Variants in SPAG16 observed in about 807,000 individuals in gnomAD.
SPAG16 encodes the protein sperm-associated antigen 16 protein.
Under a neutral mutation model 80.4 loss-of-function variants are expected in SPAG16, and 86 were observed. That is an observed-to-expected ratio of 1.07 (90% CI 0.90 to 1.28). The LOEUF (loss-of-function observed/expected upper bound fraction) is 1.28, where lower values mean the gene tolerates loss of function less well. SPAG16 is among the 50% of genes most tolerant of loss of function. The pLI is 0.00. For missense variants in SPAG16, 870 were observed against 765.3 expected (o/e 1.14, Z -1.61); for synonymous variants, 294 against 265.9 (o/e 1.11, Z -1.03).
chr2:213,733,323 A>AT (rs746398292), intron 10 of SPAG16, among the ~76,000 whole-genome samples: 2 of 151,538 alleles, frequency 1.3e-5, no homozygotes, highest in Non-Finnish European at 2.9e-5. Flanking sequence ...TAGGTTCCAC[A>AT]TTTTTTGTTG....
At chr2:214,065,317 C>T (rs772603682) in intron 13 of SPAG16, among the ~76,000 whole-genome samples, 32 of 151,956 alleles carry the variant, frequency 2.1e-4, no homozygotes, top group South Asian at 6.2e-4. Context: ...GACCTCAAAT[C>T]GATTATAAAT....
intron 15 of SPAG16, among the ~76,000 whole-genome samples, chr2:214,320,318 C>T (rs1271637838): frequency 6.6e-6 from 1 of 152,142 alleles, no homozygotes; most frequent in Non-Finnish European, 1.5e-5. Context: ...TCCAGAACTT[C>T]TTGTACTCCT....
intron 10 of SPAG16, among the ~76,000 whole-genome samples, chr2:213,735,447 T>C (rs1406390606): frequency 6.6e-6 from 1 of 152,188 alleles, no homozygotes; most frequent in Non-Finnish European, 1.5e-5. Context: ...CCAAACAGAA[T>C]GTTACTGAGT....
At chr2:213,337,087 C>A in intron 5 of SPAG16, among the ~76,000 whole-genome samples, 1 of 152,096 alleles carries the variant, frequency 6.6e-6, no homozygotes, top group East Asian at 1.9e-4. Flanking sequence ...GGGACCCAGG[C>A]AAATAGGGTC....
At chr2:214,102,949 A>G (rs1254805790) in intron 13 of SPAG16, among the ~76,000 whole-genome samples, 1 of 152,144 alleles carries the variant, frequency 6.6e-6, no homozygotes, top group East Asian at 1.9e-4. Flanking sequence ...CTAGGACTTC[A>G]TGGGCTTGCC....
At chr2:213,681,972 C>T (rs774652454) in intron 10 of SPAG16, among the ~76,000 whole-genome samples, 6 of 152,256 alleles carry the variant, frequency 3.9e-5, no homozygotes, top group South Asian at 2.1e-4. Flanking sequence ...TTCCCTTCAG[C>T]GTGAATCTGT....
Position 214,059,212 on chromosome 2 carries a change from A to ATG in SPAG16, c.1527+45136_1527+45137insGT, listed in dbSNP as rs1272556523. 3.3e-4 allele frequency among the ~76,000 whole-genome samples: 31 copies of ATG among 93,206 alleles called. No homozygotes were observed. The East Asian group carries it at 0.014, about 43-fold the overall frequency. The allele number at this position is 93,206 out of a possible 152,430, so 61.1% of individuals were successfully genotyped here. Reference sequence around the variant, plus strand: ...TATATATATATATATATATATATATATATGTATGTGTATATATATATATAT... The same window carrying ATG: ...TATATATATATATATATATATATATATGTATGTATGTGTATATATATATATAT... On this transcript the variant is annotated intron_variant, in intron 13 of 15. Transcript: ENST00000331683.
At chr2:213,705,837 A>C (rs2065728059) in intron 10 of SPAG16, among the ~76,000 whole-genome samples, 3 of 152,048 alleles carry the variant, frequency 2.0e-5, no homozygotes, top group Admixed American at 6.5e-5. Context: ...GCATTAAGCA[A>C]GCTCCCAATG....
At chr2:214,226,530 A>G (rs1475781892) in intron 15 of SPAG16, among the ~76,000 whole-genome samples, 1 of 152,132 alleles carries the variant, frequency 6.6e-6, no homozygotes, top group Admixed American at 6.6e-5. Flanking sequence ...ACAAGTGTCA[A>G]GTTTGGAAGA....
intron 15 of SPAG16, among the ~76,000 whole-genome samples, chr2:214,364,196 C>CTA (rs1358960653): frequency 2.0e-5 from 3 of 152,046 alleles, no homozygotes; most frequent in Non-Finnish European, 4.4e-5. Flanking sequence ...CTCTACTCTA[C>CTA]TATAGTATCC....
intron 7 of SPAG16, among the ~76,000 whole-genome samples, chr2:213,354,794 T>G (rs1559446640): frequency 6.6e-6 from 1 of 152,208 alleles, no homozygotes; most frequent in Non-Finnish European, 1.5e-5. Flanking sequence ...TGGCAAAAAT[T>G]TTCTCCCATT....
chr2:213,961,114 A>C (rs1187473131), intron 12 of SPAG16, among the ~76,000 whole-genome samples: 1 of 152,210 alleles, frequency 6.6e-6, no homozygotes, highest in Non-Finnish European at 1.5e-5. Flanking sequence ...AGCTCTCCAG[A>C]GTTCCAAAAT....
intron 10 of SPAG16, among the ~76,000 whole-genome samples, chr2:213,563,903 G>A (rs756207572): frequency 1.3e-5 from 2 of 152,110 alleles, no homozygotes; most frequent in African/African-American, 2.4e-5. Context: ...GCTGATTGCA[G>A]GTGCCATATA....
chr2:213,465,636 A>G (rs574300638), intron 9 of SPAG16, among the ~76,000 whole-genome samples: 1 of 152,328 alleles, frequency 6.6e-6, no homozygotes, highest in Admixed American at 6.5e-5. Flanking sequence ...GACTCCCCTT[A>G]GAAGACAGCA....
At chr2:213,483,561 C>T (rs1411146118) in intron 9 of SPAG16, among the ~76,000 whole-genome samples, 1 of 152,106 alleles carries the variant, frequency 6.6e-6, no homozygotes, top group Non-Finnish European at 1.5e-5. Context: ...TTAAGCAAGC[C>T]TCAGAATCAC....
intron 14 of SPAG16, among the ~76,000 whole-genome samples, chr2:214,126,053 TC>T (rs1559823178): frequency 7.3e-5 from 2 of 27,242 alleles, no homozygotes; most frequent in Non-Finnish European, 7.7e-5. Flanking sequence ...CTTCCTTCCT[TC>T]CTTCCTTTTT....
At chr2:214,135,118 A>G (rs914528495) in intron 14 of SPAG16, among the ~76,000 whole-genome samples, 2 of 152,182 alleles carry the variant, frequency 1.3e-5, no homozygotes, top group Non-Finnish European at 2.9e-5. Context: ...GAATTAGGTG[A>G]TCAATTTGTA....
intron 14 of SPAG16, among the ~76,000 whole-genome samples, chr2:214,121,882 T>A (rs952443317): frequency 1.3e-5 from 2 of 151,844 alleles, no homozygotes; most frequent in African/African-American, 4.8e-5. Context: ...ACTTGGGTCC[T>A]ATCCCCATGA....
At chr2:213,297,443 T>A in intron 3 of SPAG16, 86 bp downstream of exon 3, 1 of 718,840 alleles carries the variant, frequency 1.4e-6, no homozygotes, top group Non-Finnish European at 2.4e-6. Context: ...ATGTAAATAC[T>A]AGTGTAGCTC....
Sources: gnomAD v4.1 joint callset for allele counts (sites outside exome capture counted in the v4.1 genomes callset) on GRCh38, gnomAD v4.1.1 for gene constraint, MANE v1.5 for transcripts, NCBI Gene and HGNC (gene_info 2026-07-23, HGNC 2026-07-21) for gene names.